The following FHOD3 variants were observed in gnomAD, a reference collection of about 807,000 sequenced individuals.
FHOD3 encodes formin homology 2 domain containing 3.
In FHOD3, 90 loss-of-function variants were observed where a neutral mutation model predicts 173.0. The ratio of observed to expected loss-of-function variants is 0.52; its 90% CI spans 0.44 to 0.62. The LOEUF is 0.62. Ranked by LOEUF, FHOD3 falls within the 20% of genes least tolerant of loss-of-function variation. FHOD3 has a pLI of 0.00. For missense variants in FHOD3, 1,945 were observed against 2,034.7 expected (o/e 0.96, Z 0.85); for synonymous variants, 828 against 823.0 (o/e 1.01, Z -0.10).
chr18:36,415,048 G>A (rs1017959683), intron 3 of FHOD3, among the ~76,000 whole-genome samples: 5 of 152,130 alleles, frequency 3.3e-5, no homozygotes, highest in African/African-American at 1.2e-4. Context: ...CCACAGCGGG[G>A]GATTTTTGGG....
At chr18:36,327,665 C>T (rs507163) in intron 1 of FHOD3, among the ~76,000 whole-genome samples, 89,832 of 152,134 alleles carry the variant, frequency 0.59, 30,060 homozygotes, top group Middle Eastern at 0.79. Flanking sequence ...TCTCAAATTG[C>T]GGTTTGAACC....
chr18:36,602,925 C>A (rs1364114233), intron 8 of FHOD3, among the ~76,000 whole-genome samples, 157 bp downstream of exon 8: 1 of 152,056 alleles, frequency 6.6e-6, no homozygotes, highest in Non-Finnish European at 1.5e-5. Context: ...TGACTGTGTT[C>A]TTATAAGAGG....
At chr18:36,346,719 C>T (rs2045895657) in intron 1 of FHOD3, among the ~76,000 whole-genome samples, 3 of 152,194 alleles carry the variant, frequency 2.0e-5, no homozygotes, top group Admixed American at 2.0e-4. Flanking sequence ...TGTCTTCCCT[C>T]TTCCATCCCC....
intron 10 of FHOD3, among the ~76,000 whole-genome samples, chr18:36,642,979 C>T (rs1185946282): frequency 6.6e-6 from 1 of 150,518 alleles, no homozygotes; most frequent in Non-Finnish European, 1.5e-5. Flanking sequence ...TTATATAATT[C>T]TGATTTTCTG....
intron 6 of FHOD3, among the ~76,000 whole-genome samples, chr18:36,578,692 A>C (rs1191335890): frequency 6.6e-6 from 1 of 151,962 alleles, no homozygotes; most frequent in Non-Finnish European, 1.5e-5. Context: ...TGATTTGGGG[A>C]GGAGTATGGT....
intron 10 of FHOD3, among the ~76,000 whole-genome samples, chr18:36,632,017 C>T (rs1015342444): frequency 2.0e-5 from 3 of 151,572 alleles, no homozygotes; most frequent in Admixed American, 1.3e-4. Context: ...GTTTTTTTCT[C>T]ATACCAAACT....
At chr18:36,521,411 C>T (rs1221813688) in intron 5 of FHOD3, among the ~76,000 whole-genome samples, 2 of 152,174 alleles carry the variant, frequency 1.3e-5, no homozygotes, top group African/African-American at 4.8e-5. Flanking sequence ...ATACCCCAGT[C>T]AGTTCCTCCA....
chr18:36,768,048 T>C (rs1462344892), intron 27 of FHOD3, among the ~76,000 whole-genome samples: 2 of 152,214 alleles, frequency 1.3e-5, no homozygotes, highest in African/African-American at 4.8e-5. Context: ...TTCCCTTGTG[T>C]TGTACTTTAG....
chr18:36,578,381 A>G (rs1013148873), intron 6 of FHOD3, among the ~76,000 whole-genome samples: 2 of 152,206 alleles, frequency 1.3e-5, no homozygotes, highest in Non-Finnish European at 2.9e-5. Context: ...TGAGAAAAGC[A>G]TGGGAAAAAC....
At chr18:36,688,620 G>A (rs2038776504) in intron 16 of FHOD3, among the ~76,000 whole-genome samples, 1 of 152,078 alleles carries the variant, frequency 6.6e-6, no homozygotes, top group Non-Finnish European at 1.5e-5. Context: ...CTGAAAATGC[G>A]GTTGACTTCC....
intron 3 of FHOD3, among the ~76,000 whole-genome samples, chr18:36,390,826 T>G (rs1160079979): frequency 6.6e-6 from 1 of 152,170 alleles, no homozygotes; most frequent in East Asian, 1.9e-4. Context: ...AGGAAGTTAT[T>G]AAACCGTCAG....
At chr18:36,674,086 T>C (rs1185295596) in intron 14 of FHOD3, among the ~76,000 whole-genome samples, 2 of 152,240 alleles carry the variant, frequency 1.3e-5, no homozygotes, top group East Asian at 1.9e-4. Flanking sequence ...TTTCAGAGTA[T>C]ATTTTCAAAA....
chr18:36,467,873 C>A (rs534007886), intron 3 of FHOD3, among the ~76,000 whole-genome samples: 1 of 152,198 alleles, frequency 6.6e-6, no homozygotes, highest in African/African-American at 2.4e-5. Flanking sequence ...AGGCGTTCTG[C>A]GGGTAAGTGC....
intron 10 of FHOD3, among the ~76,000 whole-genome samples, chr18:36,647,442 A>T (rs2035765462): frequency 1.3e-5 from 2 of 152,200 alleles, no homozygotes; most frequent in Admixed American, 6.5e-5. Flanking sequence ...AATGAAATAG[A>T]CAAAATTATC....
intron 5 of FHOD3, among the ~76,000 whole-genome samples, chr18:36,537,829 A>T (rs12969158): frequency 1.3e-5 from 2 of 152,010 alleles, no homozygotes; most frequent in Non-Finnish European, 2.9e-5. Context: ...AGTCAGTAAC[A>T]CCATTAACCA....
At chr18:36,553,191 C>G (rs2057733998) in intron 5 of FHOD3, among the ~76,000 whole-genome samples, 1 of 152,226 alleles carries the variant, frequency 6.6e-6, no homozygotes, top group Non-Finnish European at 1.5e-5. Context: ...GGTGGATAAG[C>G]TTTTTGATGT....
intron 10 of FHOD3, among the ~76,000 whole-genome samples, chr18:36,639,090 C>A (rs921660287): frequency 6.6e-6 from 1 of 152,164 alleles, no homozygotes; most frequent in Admixed American, 6.5e-5. Flanking sequence ...AGACCCTGAG[C>A]AGGGCTGTTT....
At chr18:36,455,418 A>G (rs540438482) in intron 3 of FHOD3, among the ~76,000 whole-genome samples, 5 of 152,170 alleles carry the variant, frequency 3.3e-5, no homozygotes, top group African/African-American at 7.2e-5. Context: ...AAACATTTTC[A>G]TTGTTTCACA....
At position 36,718,614 on chromosome 18, in the gene FHOD3, T is replaced by G. The variant is rs1443412465; in HGVS notation, c.3316T>G (p.Cys1106Gly). The G allele has an allele frequency of 6.2e-7, 1 of 1,614,036 alleles. No individual in the cohort carries two copies. Among genetic ancestry groups the G allele is most frequent in the Admixed American group, 1.7e-5 (1 of 59,988 alleles). Residue 1106 changes from cysteine (C) to glycine (G), a missense_variant, in exon 19 of 29, where the codon TGC becomes GGC. Transcript: ENST00000590592. The stretch of plus-strand genomic sequence containing the variant: ...CTGGCCATGTAAAAACAACCGACGC[T>G]GCAGAGAATTCCTGTGGTCAAAACT... ...FDWPCKNNRR[C>G]REFLWSKLEP...
Sources: gnomAD v4.1 joint callset for allele counts (sites outside exome capture counted in the v4.1 genomes callset) on GRCh38, gnomAD v4.1.1 for gene constraint, MANE v1.5 for transcripts, NCBI Gene and HGNC (gene_info 2026-07-23, HGNC 2026-07-21) for gene names.